MACROD2: variants seen among roughly 807,000 people sequenced by gnomAD.
MACROD2 encodes the protein mono-ADP ribosylhydrolase 2.
A neutral mutation model predicts 70.4 loss-of-function variants in MACROD2; 36 were observed. That is an observed-to-expected ratio of 0.51 (90% confidence interval 0.39 to 0.68). The LOEUF (loss-of-function observed/expected upper bound fraction) is 0.68. Ranked by LOEUF, MACROD2 falls within the 30% of genes least tolerant of loss-of-function variation. MACROD2 has a pLI of 0.00. For synonymous variants in MACROD2, 172 were observed against 178.8 expected (o/e 0.96, Z 0.30); for missense variants, 496 against 538.4 (o/e 0.92, Z 0.78).
At chr20:15,369,043 A>G (rs1027744924) in intron 6 of MACROD2, among the ~76,000 whole-genome samples, 2 of 152,184 alleles carry the variant, frequency 1.3e-5, no homozygotes, top group Non-Finnish European at 2.9e-5. Flanking sequence ...TTGTGCCATT[A>G]TAATGGTTCC....
chr20:14,043,867 C>A (rs1277767891), intron 2 of MACROD2, among the ~76,000 whole-genome samples: 1 of 152,214 alleles, frequency 6.6e-6, no homozygotes, highest in East Asian at 1.9e-4. Flanking sequence ...CAATGTATAA[C>A]AAGGACTGTC....
At chr20:15,424,058 A>G (rs1183235133) in intron 6 of MACROD2, among the ~76,000 whole-genome samples, 5 of 151,168 alleles carry the variant, frequency 3.3e-5, no homozygotes, top group Non-Finnish European at 5.9e-5. Flanking sequence ...CTCTAGTGGC[A>G]CTAATCCCAC....
chr20:14,191,140 T>A (rs556538695), intron 3 of MACROD2, among the ~76,000 whole-genome samples: 5 of 152,286 alleles, frequency 3.3e-5, no homozygotes, highest in Middle Eastern at 3.4e-3. Context: ...TTGCTTCATA[T>A]ATGTGCCTCA....
At chr20:14,708,304 G>C (rs1344134645) in intron 5 of MACROD2, among the ~76,000 whole-genome samples, 2 of 152,168 alleles carry the variant, frequency 1.3e-5, no homozygotes, top group African/African-American at 4.8e-5. Flanking sequence ...AGCTTTGCCA[G>C]CTGTATGGTT....
chr20:14,014,223 C>T (rs985507549), intron 2 of MACROD2, among the ~76,000 whole-genome samples: 8 of 137,588 alleles, frequency 5.8e-5, no homozygotes, highest in African/African-American at 1.1e-4. Flanking sequence ...CTTTCTTGCT[C>T]CCCCCTCCCC....
chr20:15,701,639 C>A (rs542417484), intron 8 of MACROD2, among the ~76,000 whole-genome samples: 1 of 152,200 alleles, frequency 6.6e-6, no homozygotes, highest in East Asian at 1.9e-4. Context: ...TTGATGATTG[C>A]CTCCAGAATA....
intron 8 of MACROD2, among the ~76,000 whole-genome samples, chr20:15,618,926 G>A (rs1281582362): frequency 2.0e-5 from 3 of 152,152 alleles, no homozygotes; most frequent in Non-Finnish European, 4.4e-5. Context: ...GGATAATTTG[G>A]CGGGTGGAGG....
intron 3 of MACROD2, among the ~76,000 whole-genome samples, chr20:14,368,600 C>T (rs2083294899): frequency 6.6e-6 from 1 of 151,752 alleles, no homozygotes; most frequent in Admixed American, 6.6e-5. Flanking sequence ...CGTATTAAAT[C>T]TAGAAATAAG....
intron 2 of MACROD2, among the ~76,000 whole-genome samples, chr20:14,032,426 A>G (rs1601136459): frequency 6.6e-6 from 1 of 152,162 alleles, no homozygotes; most frequent in South Asian, 2.1e-4. Flanking sequence ...TCAGTTTTAT[A>G]TGAGTACCTG....
chr20:14,164,727 G>A (rs2055241824), intron 3 of MACROD2, among the ~76,000 whole-genome samples: 1 of 152,094 alleles, frequency 6.6e-6, no homozygotes, highest in South Asian at 2.1e-4. Context: ...GGACTTAACT[G>A]TTTGATCACC....
intron 6 of MACROD2, among the ~76,000 whole-genome samples, chr20:15,398,824 T>A (rs74534654): frequency 0.055 from 8,394 of 152,098 alleles, 619 homozygotes; most frequent in African/African-American, 0.17. Context: ...TATTTTGTTT[T>A]GTTTTGTTTT....
intron 8 of MACROD2, among the ~76,000 whole-genome samples, chr20:15,515,365 G>T (rs372829073): frequency 3.9e-5 from 6 of 152,178 alleles, no homozygotes; most frequent in Non-Finnish European, 5.9e-5. Context: ...ATTTCTCAGC[G>T]ATCAGTGCTG....
At chr20:15,303,678 T>C (rs1203272603) in intron 6 of MACROD2, among the ~76,000 whole-genome samples, 1 of 152,222 alleles carries the variant, frequency 6.6e-6, no homozygotes, top group South Asian at 2.1e-4. Context: ...CTCAGAACCA[T>C]TTATCAGTTT....
intron 3 of MACROD2, among the ~76,000 whole-genome samples, chr20:14,252,970 A>G (rs537592381): frequency 1.1e-4 from 17 of 152,108 alleles, no homozygotes; most frequent in African/African-American, 4.1e-4. Flanking sequence ...TATATACTTC[A>G]TTAATTTTCC....
At chr20:14,490,685 C>T (rs867792816) in intron 3 of MACROD2, among the ~76,000 whole-genome samples, 1 of 152,006 alleles carries the variant, frequency 6.6e-6, no homozygotes, top group African/African-American at 2.4e-5. Flanking sequence ...TTCTGTGAAA[C>T]TCAAGGATTA....
intron 5 of MACROD2, among the ~76,000 whole-genome samples, chr20:14,843,082 C>G (rs901419042): frequency 6.6e-6 from 1 of 151,946 alleles, no homozygotes; most frequent in East Asian, 1.9e-4. Flanking sequence ...TGCTAGCTCC[C>G]CTTCTACCAT....
chr20:14,831,866 C>T (rs1431870388), intron 5 of MACROD2, among the ~76,000 whole-genome samples: 1 of 144,440 alleles, frequency 6.9e-6, no homozygotes, highest in Non-Finnish European at 1.5e-5. Context: ...AGTTTGTCAT[C>T]GTTTTCGTTT....
At chr20:15,811,810 A>T (rs1286463104) in intron 8 of MACROD2, among the ~76,000 whole-genome samples, 2 of 152,188 alleles carry the variant, frequency 1.3e-5, no homozygotes, top group Non-Finnish European at 2.9e-5. Context: ...ATAGTACGTC[A>T]GCTGGTACAT....
intron 5 of MACROD2, among the ~76,000 whole-genome samples, chr20:15,216,385 G>A (rs534894664): frequency 6.6e-6 from 1 of 151,722 alleles, no homozygotes; most frequent in Admixed American, 6.6e-5. Context: ...GAATTTCAAG[G>A]ATAAATAGGA....
Sources: allele counts gnomAD v4.1 joint callset (sites outside exome capture counted in the v4.1 genomes callset), GRCh38; gene constraint gnomAD v4.1.1; transcripts MANE v1.5; gene names NCBI Gene and HGNC (gene_info 2026-07-23, HGNC 2026-07-21).